BABAM2: variants seen among roughly 807,000 people sequenced by gnomAD.
The protein encoded by BABAM2 is BRISC and BRCA1 A complex member 2, also known as BRISC and BRCA1-A complex member 2.
BABAM2 carries 31 observed loss-of-function variants against 54.7 expected under a neutral mutation model. That is an observed-to-expected ratio of 0.57 (90% CI 0.43 to 0.77). The LOEUF (loss-of-function observed/expected upper bound fraction) is 0.77, where lower values mean the gene tolerates loss of function less well. Among genes scored for constraint, BABAM2 ranks in the 30% least tolerant of loss-of-function variants. The probability of loss-of-function intolerance (pLI) is 0.00; values close to 1 mark genes in which losing one functional copy is unlikely to be tolerated. For synonymous variants in BABAM2, 167 were observed against 162.9 expected, an observed-to-expected ratio of 1.03 and a Z score of -0.19; for missense variants, 364 against 455.8, an observed-to-expected ratio of 0.80 and a Z score of 1.83.
intron 7 of BABAM2, among the ~76,000 whole-genome samples, chr2:28,185,369 A>AC (rs1390814753): frequency 6.6e-6 from 1 of 152,114 alleles, no homozygotes; most frequent in Non-Finnish European, 1.5e-5. Flanking sequence ...ACTGATACAC[A>AC]CCTGTGTTTT....
At chr2:28,274,059 C>A (rs1036413946) in intron 10 of BABAM2, among the ~76,000 whole-genome samples, 4 of 152,214 alleles carry the variant, frequency 2.6e-5, no homozygotes, top group African/African-American at 9.6e-5. Context: ...AGCTCACTGG[C>A]CAGCTGGTTT....
intron 7 of BABAM2, among the ~76,000 whole-genome samples, chr2:28,132,908 T>C (rs1254357474): frequency 6.6e-6 from 1 of 152,204 alleles, no homozygotes; most frequent in Non-Finnish European, 1.5e-5. Context: ...TACACAGTTA[T>C]CAATTGCCTA....
chr2:28,243,271 C>T (rs905319128), intron 9 of BABAM2, among the ~76,000 whole-genome samples: 5 of 152,126 alleles, frequency 3.3e-5, no homozygotes, highest in African/African-American at 9.7e-5. Context: ...CAGTGGCTCA[C>T]ACTTGTAATC....
intron 10 of BABAM2, among the ~76,000 whole-genome samples, chr2:28,281,493 G>A (rs1288558119): frequency 6.6e-6 from 1 of 152,162 alleles, no homozygotes; most frequent in Non-Finnish European, 1.5e-5. Flanking sequence ...GCAGGATATT[G>A]TCCTGTCCTC....
intron 5 of BABAM2, among the ~76,000 whole-genome samples, chr2:28,026,950 A>ATT (rs1675873623): frequency 2.6e-4 from 1 of 3,794 alleles, no homozygotes; most frequent in South Asian, 0.1. Flanking sequence ...ATATATATTA[A>ATT]TATATATAAA....
chr2:27,917,120 C>T (rs931675844), intron 2 of BABAM2, among the ~76,000 whole-genome samples: 5 of 149,914 alleles, frequency 3.3e-5, no homozygotes, highest in African/African-American at 4.9e-5. Context: ...TGGGTTCAAG[C>T]GATTTTCCTG....
intron 10 of BABAM2, among the ~76,000 whole-genome samples, chr2:28,260,977 T>C (rs1217390407): frequency 4.1e-5 from 6 of 145,896 alleles, no homozygotes; most frequent in African/African-American, 1.3e-4. Flanking sequence ...CGTCTCACTC[T>C]ATTACCCAGG....
At chr2:28,314,441 C>G (rs564069916) in intron 11 of BABAM2, among the ~76,000 whole-genome samples, 1 of 152,282 alleles carries the variant, frequency 6.6e-6, no homozygotes, top group East Asian at 1.9e-4. Flanking sequence ...CCAAATTCAC[C>G]AGGCAGCTGA....
intron 7 of BABAM2, among the ~76,000 whole-genome samples, chr2:28,188,858 T>C (rs775479697): frequency 6.6e-6 from 1 of 152,206 alleles, no homozygotes; most frequent in Non-Finnish European, 1.5e-5. Context: ...GAACACAGAC[T>C]AGTTTCAAAG....
Position 28,286,246 on chromosome 2 carries a change from G to A in BABAM2, c.935-12092G>A, listed in dbSNP as rs189674336. ...TGGGATTACAGGCGTGAGCCACCGC[G>A]CCTGGCCTTATTTTTGATTTGTACA... On this transcript the variant is annotated intron_variant, in intron 10 of 11. Transcript: ENST00000379624. 3.8e-3 allele frequency among the ~76,000 whole-genome samples: 573 copies of A among 152,154 alleles called. 4 individuals are homozygous for A. Among genetic ancestry groups the A allele is most frequent in the African/African-American group, 0.013 (541 of 41,482 alleles).
intron 10 of BABAM2, among the ~76,000 whole-genome samples, chr2:28,264,826 A>G (rs188738874): frequency 6.6e-6 from 1 of 152,326 alleles, no homozygotes; most frequent in African/African-American, 2.4e-5. Context: ...GTTCAAAGAC[A>G]GTTTACCCCA....
chr2:27,903,887 CATT>C (rs1666004988), intron 2 of BABAM2, among the ~76,000 whole-genome samples: 1 of 151,986 alleles, frequency 6.6e-6, no homozygotes, highest in Non-Finnish European at 1.5e-5. Context: ...AAGTCAAGAA[CATT>C]TACCTTTTTC....
chr2:28,208,374 T>C (rs1313347688), intron 7 of BABAM2, among the ~76,000 whole-genome samples: 1 of 152,152 alleles, frequency 6.6e-6, no homozygotes, highest in Non-Finnish European at 1.5e-5. Flanking sequence ...GGACAGTGGT[T>C]TTGAGACCTT....
At chr2:28,167,847 C>T (rs1433768258) in intron 7 of BABAM2, among the ~76,000 whole-genome samples, 2 of 152,174 alleles carry the variant, frequency 1.3e-5, no homozygotes, top group South Asian at 4.1e-4. Context: ...TTGAGAGAAT[C>T]ATGATGTTCA....
intron 10 of BABAM2, among the ~76,000 whole-genome samples, chr2:28,262,937 G>A (rs1257536982): frequency 6.6e-6 from 1 of 152,080 alleles, no homozygotes; most frequent in Non-Finnish European, 1.5e-5. Flanking sequence ...CCAAAGAGGT[G>A]ATCCAAATTC....
At chr2:28,133,939 C>T (rs1490107349) in intron 7 of BABAM2, among the ~76,000 whole-genome samples, 1 of 152,124 alleles carries the variant, frequency 6.6e-6, no homozygotes, top group African/African-American at 2.4e-5. Flanking sequence ...TGTCTGGTGT[C>T]CCTGGCAGCC....
intron 7 of BABAM2, among the ~76,000 whole-genome samples, chr2:28,170,920 G>A (rs948479093): frequency 3.3e-5 from 5 of 152,082 alleles, no homozygotes; most frequent in Non-Finnish European, 5.9e-5. Context: ...TAAAGAACAC[G>A]GTATAAAAGG....
intron 6 of BABAM2, among the ~76,000 whole-genome samples, chr2:28,054,255 T>G (rs1678223107): frequency 6.6e-6 from 1 of 152,090 alleles, no homozygotes. Flanking sequence ...CTGTTTATGT[T>G]TGATTAGTAC....
At chr2:28,100,161 C>T (rs1177849432) in intron 6 of BABAM2, among the ~76,000 whole-genome samples, 1 of 151,852 alleles carries the variant, frequency 6.6e-6, no homozygotes, top group Non-Finnish European at 1.5e-5. Context: ...CTTAAGATGG[C>T]TGCCTTGGCC....
Sources: gnomAD v4.1 joint callset for allele counts (sites outside exome capture counted in the v4.1 genomes callset) on GRCh38, gnomAD v4.1.1 for gene constraint, MANE v1.5 for transcripts, NCBI Gene and HGNC (gene_info 2026-07-23, HGNC 2026-07-21) for gene names.